The following SOX5 variants were observed in gnomAD, a reference collection of about 807,000 sequenced individuals.
The protein encoded by SOX5 is SRY-box transcription factor 5, also known as transcription factor SOX-5.
In SOX5, 9 loss-of-function variants were observed where a neutral mutation model predicts 92.0. That is an observed-to-expected ratio of 0.10 (90% confidence interval 0.06 to 0.17). The LOEUF is 0.17. Ranked by LOEUF, SOX5 falls within the 10% of genes least tolerant of loss-of-function variation. The pLI, the probability that SOX5 is intolerant of heterozygous loss-of-function variation, is 1.00. For synonymous variants in SOX5, 344 were observed against 336.3 expected (o/e 1.02, Z -0.25); for missense variants, 642 against 944.5 (o/e 0.68, Z 4.20).
chr12:23,743,526 G>A (rs968628507), intron 4 of SOX5, among the ~76,000 whole-genome samples: 5 of 151,912 alleles, frequency 3.3e-5, no homozygotes, highest in African/African-American at 7.3e-5. Flanking sequence ...TGGCCAGGCC[G>A]GTCTCGAACT....
intron 3 of SOX5, among the ~76,000 whole-genome samples, chr12:23,803,223 C>T (rs908571515): frequency 5.9e-5 from 9 of 152,228 alleles, no homozygotes; most frequent in African/African-American, 1.9e-4. Flanking sequence ...TTATTAACTA[C>T]TTATTTAAGC....
At chr12:24,435,775 C>G (rs10771089) in intron 1 of SOX5, among the ~76,000 whole-genome samples, 90,574 of 151,876 alleles carry the variant, frequency 0.6, 27,544 homozygotes, top group East Asian at 0.98. Context: ...TTTTTGTTTT[C>G]TTTTTAACAA....
chr12:24,556,942 A>T (rs567211623), intron 1 of SOX5, among the ~76,000 whole-genome samples: 1 of 152,364 alleles, frequency 6.6e-6, no homozygotes, highest in South Asian at 2.1e-4. Flanking sequence ...ATTAATGATC[A>T]GAACCTAGAC....
At chr12:24,288,481 C>T (rs1946186517) in intron 2 of SOX5, among the ~76,000 whole-genome samples, 1 of 152,156 alleles carries the variant, frequency 6.6e-6, no homozygotes, top group South Asian at 2.1e-4. Flanking sequence ...ATGCCTTAAT[C>T]TTTGCTGTTT....
chr12:24,530,214 C>T (rs1951068138), intron 1 of SOX5, among the ~76,000 whole-genome samples: 1 of 152,156 alleles, frequency 6.6e-6, no homozygotes, highest in Admixed American at 6.5e-5. Context: ...AAAATGCATT[C>T]ACATAATTAA....
intron 4 of SOX5, among the ~76,000 whole-genome samples, chr12:24,067,463 G>A (rs1341433505): frequency 6.6e-6 from 1 of 152,048 alleles, no homozygotes; most frequent in African/African-American, 2.4e-5. Flanking sequence ...AATATCCTTT[G>A]TCGGTGGGTA....
At chr12:24,212,799 C>A (rs1194639458) in intron 4 of SOX5, among the ~76,000 whole-genome samples, 2 of 152,174 alleles carry the variant, frequency 1.3e-5, no homozygotes, top group East Asian at 3.8e-4. Flanking sequence ...ATTTAATTAA[C>A]TCTCATTTCA....
intron 6 of SOX5, among the ~76,000 whole-genome samples, chr12:23,685,509 G>T (rs1263365676): frequency 6.6e-6 from 1 of 152,018 alleles, no homozygotes; most frequent in African/African-American, 2.4e-5. Context: ...AAATAATGTA[G>T]TGAAATACAT....
Position 23,543,177 on chromosome 12 carries a change from C to G in SOX5, c.1771+34G>C, listed in dbSNP as rs188832732. 3.8e-6 allele frequency: 6 copies of G among 1,576,130 alleles called. No homozygotes were observed. In the East Asian group the frequency reaches 9.0e-5, roughly 24 times the overall value. On this transcript the variant is annotated intron_variant, in intron 13 of 14. Transcript: ENST00000451604. ...CAGAAAACAGAACAGTACCTTTATT[C>G]CATACGTCACTTAGTTCTTAATGGT...
chr12:24,176,348 C>G (rs149842793), intron 4 of SOX5, among the ~76,000 whole-genome samples: 2,919 of 151,800 alleles, frequency 0.019, 99 homozygotes, highest in African/African-American at 0.066. Context: ...AAAAAAATAA[C>G]AAAACAAAAC....
chr12:24,391,009 C>T lies in SOX5; in HGVS notation c.-250-22370G>A, dbSNP rs918246930. 2.0e-5 allele frequency among the ~76,000 whole-genome samples: 3 copies of T among 152,042 alleles called. No individual in the cohort carries two copies. The South Asian group carries it at 6.2e-4, about 32-fold the overall frequency. On this transcript the variant is annotated intron_variant, in intron 1 of 4. Transcript: ENST00000446891. ...AGTTCTTTGATAAATATACTGTTTT[C>T]CATAGGATTGTACTAATTTACATTC...
intron 3 of SOX5, among the ~76,000 whole-genome samples, chr12:24,263,541 C>CAAAAAAAAAAAAAAAAAAAAAA (rs528065569): frequency 8.9e-6 from 1 of 112,028 alleles, no homozygotes; most frequent in African/African-American, 3.5e-5. Context: ...AAAAAAAAAA[C>CAAAAAAAAAAAAAAAAAAAAAA]AAAAAAAAAA....
Position 24,371,745 on chromosome 12 carries a change from C to G in SOX5, c.-250-3106G>C, listed in dbSNP as rs1003373689. On this transcript the variant is annotated intron_variant, in intron 1 of 4. Transcript: ENST00000446891. ...GCTCACACCTGTAATCTCAACACTTCGGGAGGCCGAGACAGGCGGATCACC... is the reference window on the plus strand; with the variant it reads ...GCTCACACCTGTAATCTCAACACTTGGGGAGGCCGAGACAGGCGGATCACC... Among the ~76,000 whole-genome samples, 3 of 152,272 alleles carry G rather than the reference C, an allele frequency of 2.0e-5. No homozygotes were observed. The South Asian group carries it at 6.2e-4, about 32-fold the overall frequency.
At position 23,895,997 on chromosome 12, in the gene SOX5, C is replaced by A. The variant is rs370911470; in HGVS notation, c.66G>T (p.Pro22=). The change falls in exon 2 of 15, where the codon CCG becomes CCT. Residue 22 remains proline, a synonymous_variant. Transcript: ENST00000451604. ...ERMSSKRPAS[P]YGEADGEVAM... Reference sequence around the variant, plus strand: ...CTACCTCTCCATCTGCTTCCCCATACGGAGAGGCTGGTCGCTTGGAAGACA... The same window carrying A: ...CTACCTCTCCATCTGCTTCCCCATAAGGAGAGGCTGGTCGCTTGGAAGACA... The A allele has an allele frequency of 6.2e-7, 1 of 1,613,690 alleles. No homozygotes were observed. Among genetic ancestry groups the A allele is most frequent in the Admixed American group, 1.7e-5 (1 of 60,004 alleles).
chr12:24,049,191 A>G (rs1393082702), intron 4 of SOX5, among the ~76,000 whole-genome samples: 1 of 152,160 alleles, frequency 6.6e-6, no homozygotes, highest in African/African-American at 2.4e-5. Flanking sequence ...TTCTTCTATC[A>G]TTTTCCCTCA....
At chr12:23,878,621 A>T (rs916664822) in intron 2 of SOX5, among the ~76,000 whole-genome samples, 5 of 152,060 alleles carry the variant, frequency 3.3e-5, no homozygotes, top group South Asian at 4.1e-4. Context: ...AATAAGTATG[A>T]AACTAGAACA....
chr12:24,040,511 G>C (rs1370273895), intron 4 of SOX5, among the ~76,000 whole-genome samples: 2 of 152,162 alleles, frequency 1.3e-5, no homozygotes, highest in African/African-American at 4.8e-5. Flanking sequence ...TTGAAAAATA[G>C]AAATGTTTCA....
In SOX5 at chr12:23,733,721, G is replaced by C. The variant is rs112014650; in HGVS notation, c.810+963C>G. 3.0e-4 allele frequency among the ~76,000 whole-genome samples: 46 copies of C among 152,282 alleles called. 1 individual carries two copies. Among genetic ancestry groups the C allele is most frequent in the African/African-American group, 1.1e-3 (46 of 41,576 alleles). On this transcript the variant is annotated intron_variant, in intron 6 of 14. Transcript: ENST00000451604. ...AGAGTGAAATAATTTTGACACATTT[G>C]CTTCCTGTCATTTATGATATTTACA...
intron 9 of SOX5, among the ~76,000 whole-genome samples, chr12:23,601,502 C>G (rs2074491759): frequency 6.6e-6 from 1 of 152,108 alleles, no homozygotes; most frequent in African/African-American, 2.4e-5. Context: ...ACACAAAACC[C>G]TTTAATAAAA....
Sources: allele counts gnomAD v4.1 joint callset (sites outside exome capture counted in the v4.1 genomes callset), GRCh38; gene constraint gnomAD v4.1.1; transcripts MANE v1.5; gene names NCBI Gene and HGNC (gene_info 2026-07-23, HGNC 2026-07-21).